The following HEPH variants were observed in gnomAD, a reference collection of about 807,000 sequenced individuals.
HEPH encodes hephaestin.
In HEPH, 69 loss-of-function variants were observed where a neutral mutation model predicts 80.8. That is an observed-to-expected ratio of 0.85 (90% CI 0.70 to 1.04). HEPH has a LOEUF of 1.04. HEPH is among the 50% of genes least tolerant of loss of function. The pLI is 0.00. For synonymous variants in HEPH, 431 were observed against 322.8 expected (o/e 1.34, Z -3.60); for missense variants, 1,115 against 891.3 (o/e 1.25, Z -3.20).
chrX:66,172,057 A>G (rs983923100), intron 2 of HEPH, among the ~76,000 whole-genome samples: 1 of 112,301 alleles, frequency 8.9e-6, no homozygotes, highest in Non-Finnish European at 1.9e-5. Context: ...GGAGTCGATC[A>G]CTTAAGGAGT....
upstream of HEPH, chrX:66,162,872 AC>A: frequency 1.7e-6 from 2 of 1,153,647 alleles, no homozygotes; most frequent in Non-Finnish European, 2.3e-6. Context: ...TCTCCTCATC[AC>A]AAAGTAAGAA....
At position 66,207,216 on chromosome X, in the gene HEPH, C is replaced by A. The variant is rs771066185; in HGVS notation, c.2313C>A (p.Ser771Arg). 1 of 1,203,317 alleles carries A rather than the reference C, an allele frequency of 8.3e-7. No homozygotes were observed. Among genetic ancestry groups the A allele is most frequent in the African/African-American group, 1.8e-5 (1 of 56,057 alleles). The change falls in exon 14 of 21, where the codon AGC (serine) becomes AGA (arginine). Residue 771 changes from serine (S) to arginine (R), a missense_variant. By Grantham distance (110) the Ser-to-Arg change is moderately radical (BLOSUM62 -1). Coordinates refer to ENST00000343002, the MANE Select transcript of HEPH (RefSeq NM_001367233.3). ...EKDSYGYIFL[S>R]NKDGLLGSRY... ...CTAGTTATGGTTACATTTTCCTGAG[C>A]AACAAGGATGGGCTCCTGGGTTCCA...
intron 15 of HEPH, 52 bp from the exon 16 acceptor site, chrX:66,254,983 T>C: frequency 4.7e-6 from 4 of 849,531 alleles, no homozygotes; most frequent in Non-Finnish European, 6.9e-6. Context: ...ACCTGGGAGT[T>C]GAGAGAAATT....
At chrX:66,194,076 T>G (rs1210214966) in intron 8 of HEPH, among the ~76,000 whole-genome samples, 2 of 111,626 alleles carry the variant, frequency 1.8e-5, no homozygotes, top group African/African-American at 6.5e-5. Flanking sequence ...ATAGGAGGAA[T>G]GCAGAATAGG....
chrX:66,164,446 T>C lies in HEPH; in HGVS notation c.-38T>C, dbSNP rs777220908. ...AGCATTAATGGGCCGCTGACATGAA[T>C]ATGGAGTAGTTTTCTCTAGCAAAGG... On this transcript the variant is annotated 5_prime_UTR_variant, in exon 1 of 21. Coordinates refer to ENST00000343002, the MANE Select transcript of HEPH (RefSeq NM_001367233.3). The C allele has an allele frequency of 1.3e-6, 1 of 751,885 alleles. No homozygotes were observed. Among genetic ancestry groups the C allele is most frequent in the South Asian group, 6.8e-5 (1 of 14,638 alleles). The allele number at this position is 751,885 out of a possible 1,213,427, so 62.0% of individuals were successfully genotyped here. A position where few individuals can be genotyped will look rare whatever the true frequency, so the allele number is the denominator to read the frequency against.
Position 66,213,879 on chromosome X carries a change from C to T in HEPH, c.2563+5633C>T, listed in dbSNP as rs1217826444. On this transcript the variant is annotated intron_variant, in intron 15 of 20. Coordinates refer to ENST00000343002, the MANE Select transcript of HEPH (RefSeq NM_001367233.3). ...ACAGATAATACTAGTCTATTACTAA[C>T]TGCACAAATCTGCCTTCTAGAACTC... Among the ~76,000 whole-genome samples the T allele has an allele frequency of 2.7e-5, 3 of 112,516 alleles. No individual in the cohort carries two copies. In the East Asian group the frequency reaches 8.3e-4, roughly 31 times the overall value.
chrX:66,167,221 C>T (rs907648743), intron 1 of HEPH, among the ~76,000 whole-genome samples: 3 of 111,893 alleles, frequency 2.7e-5, no homozygotes, highest in Admixed American at 1.9e-4. Context: ...TATTCCTTAT[C>T]TCTCAAGATC....
intron 15 of HEPH, among the ~76,000 whole-genome samples, chrX:66,252,899 A>G (rs1404145207): frequency 8.9e-6 from 1 of 112,489 alleles, no homozygotes; most frequent in Non-Finnish European, 1.9e-5. Context: ...TTGGATATCC[A>G]CATGCAAAAC....
chrX:66,255,128 T>A lies in HEPH; in HGVS notation c.2657T>A (p.Val886Glu). Reference protein sequence around the residue: ...ACVSWIYYSAVDPIKDMYSGL... With the variant: ...ACVSWIYYSAEDPIKDMYSGL... ...GTTTCCTGGATCTATTATTCTGCAG[T>A]GGATCCCATCAAGGTAAATACAAGA... The change falls in exon 16 of 21, where the codon GTG becomes GAG. Residue 886 changes from valine (V) to glutamate (E), a missense_variant. Physicochemically the swap from Val to Glu is moderately radical, Grantham distance 121. Transcript: ENST00000343002. 1 of 1,194,322 alleles carries A rather than the reference T, an allele frequency of 8.4e-7. No homozygotes were observed. Among genetic ancestry groups the A allele is most frequent in the Non-Finnish European group, 1.1e-6 (1 of 881,729 alleles).
At chrX:66,259,170 A>C (rs2091276977) in intron 18 of HEPH, among the ~76,000 whole-genome samples, 191 bp downstream of exon 18, 1 of 112,110 alleles carries the variant, frequency 8.9e-6, no homozygotes, top group South Asian at 3.7e-4. Flanking sequence ...GCTAGGCCCT[A>C]GCTTTCCCTT....
intron 15 of HEPH, among the ~76,000 whole-genome samples, chrX:66,249,001 GTAGGA>G (rs1280778524): frequency 2.7e-5 from 3 of 111,597 alleles, no homozygotes; most frequent in African/African-American, 9.8e-5. Context: ...GTGTGCTGGT[GTAGGA>G]GGTTTGAAGA....
intron 4 of HEPH, among the ~76,000 whole-genome samples, chrX:66,178,831 G>T (rs1225097574): frequency 1.8e-5 from 2 of 112,059 alleles, no homozygotes; most frequent in Non-Finnish European, 3.8e-5. Flanking sequence ...ATTATTTGTA[G>T]ATTCTGGATA....
At chrX:66,251,606 C>T (rs2091008151) in intron 15 of HEPH, among the ~76,000 whole-genome samples, 1 of 111,132 alleles carries the variant, frequency 9.0e-6, no homozygotes, top group African/African-American at 3.3e-5. Context: ...AGAGTGAAGC[C>T]TTGACTACTA....
At chrX:66,266,393 G>C (rs749499651) in intron 20 of HEPH, 47 bp from the exon 21 acceptor site, 2 of 999,409 alleles carry the variant, frequency 2.0e-6, no homozygotes, top group South Asian at 2.0e-5. Context: ...TTACCTTTTA[G>C]AGTACTCCCC....
intron 4 of HEPH, among the ~76,000 whole-genome samples, chrX:66,182,032 G>C (rs2087185769): frequency 9.4e-6 from 1 of 105,999 alleles, no homozygotes; most frequent in African/African-American, 3.4e-5. Context: ...TTATTTCTGA[G>C]GGCTCTGTTC....
intron 11 of HEPH, among the ~76,000 whole-genome samples, chrX:66,199,782 G>T (rs2088323313): frequency 8.9e-6 from 1 of 112,195 alleles, no homozygotes; most frequent in African/African-American, 3.2e-5. Flanking sequence ...GATACGACAG[G>T]TAAGTGGTAG....
At chrX:66,262,121 A>G (rs1219957049) in intron 19 of HEPH, among the ~76,000 whole-genome samples, 1 of 112,144 alleles carries the variant, frequency 8.9e-6, no homozygotes, top group African/African-American at 3.2e-5. Context: ...ATAACCCGCT[A>G]TGGCCTAATT....
At chrX:66,213,210 G>C (rs1461955781) in intron 15 of HEPH, among the ~76,000 whole-genome samples, 1 of 98,070 alleles carries the variant, frequency 1.0e-5, no homozygotes, top group Non-Finnish European at 2.0e-5. Flanking sequence ...ACAGTCCCCA[G>C]AGTGTGATGT....
chrX:66,239,337 A>T (rs2090481470), intron 15 of HEPH, among the ~76,000 whole-genome samples: 1 of 110,885 alleles, frequency 9.0e-6, no homozygotes, highest in Non-Finnish European at 1.9e-5. Flanking sequence ...TCCCCCTTCA[A>T]CCCAGCTTTT....
Sources: allele counts gnomAD v4.1 joint callset (sites outside exome capture counted in the v4.1 genomes callset), GRCh38; gene constraint gnomAD v4.1.1; transcripts MANE v1.5; gene names NCBI Gene and HGNC (gene_info 2026-07-23, HGNC 2026-07-21).